The following SLC26A9 variants were observed in gnomAD, a reference collection of about 807,000 sequenced individuals.
The protein encoded by SLC26A9 is solute carrier family 26 member 9.
Under a neutral mutation model 87.1 loss-of-function variants are expected in SLC26A9, and 46 were observed. The observed-to-expected ratio is 0.53, with a 90% CI of 0.42 to 0.67. The LOEUF (loss-of-function observed/expected upper bound fraction) is 0.67. SLC26A9 is among the 30% of genes least tolerant of loss of function. The probability of loss-of-function intolerance (pLI) is 0.00; values close to 1 mark genes in which losing one functional copy is unlikely to be tolerated. For missense variants in SLC26A9, 927 were observed against 1,018.3 expected (o/e 0.91, Z 1.22); for synonymous variants, 437 against 409.1 (o/e 1.07, Z -0.82).
At chr1:205,930,815 C>A (rs944561231) in intron 5 of SLC26A9, among the ~76,000 whole-genome samples, 1 of 152,188 alleles carries the variant, frequency 6.6e-6, no homozygotes, top group Non-Finnish European at 1.5e-5. Flanking sequence ...TGGTTAAGTT[C>A]TCATCCTTTA....
In SLC26A9 at chr1:205,932,826, C is replaced by A; in HGVS notation, c.266-14G>T. 1 of 1,590,454 alleles carries A rather than the reference C, an allele frequency of 6.3e-7. No homozygotes were observed. Among genetic ancestry groups the A allele is most frequent in the Non-Finnish European group, 8.6e-7 (1 of 1,167,354 alleles). On this transcript the variant is annotated splice_polypyrimidine_tract_variant and intron_variant, in intron 3 of 20. Transcript: ENST00000367135. ...CAAATGCCATGCCTGCAGAGGACAACGAGACTGAAGCTCAGCAGCATGACT... is the reference window on the plus strand; with the variant it reads ...CAAATGCCATGCCTGCAGAGGACAAAGAGACTGAAGCTCAGCAGCATGACT...
At chr1:205,937,540 G>C (rs1357773639) in intron 1 of SLC26A9, among the ~76,000 whole-genome samples, 4 of 152,216 alleles carry the variant, frequency 2.6e-5, no homozygotes. Context: ...CAGATGCTAT[G>C]AGGATTCAGT....
intron 1 of SLC26A9, among the ~76,000 whole-genome samples, chr1:205,936,224 C>T (rs928428757): frequency 2.0e-5 from 3 of 152,206 alleles, no homozygotes; most frequent in Non-Finnish European, 4.4e-5. Context: ...ACAAGCCATA[C>T]TCCCTTCCCA....
intron 1 of SLC26A9, among the ~76,000 whole-genome samples, chr1:205,942,254 G>T (rs959272948): frequency 6.6e-6 from 1 of 152,248 alleles, no homozygotes; most frequent in African/African-American, 2.4e-5. Flanking sequence ...GCCTGGGAAG[G>T]CCTTCCTGGC....
At chr1:205,937,562 T>C (rs2102603214) in intron 1 of SLC26A9, among the ~76,000 whole-genome samples, 1 of 152,328 alleles carries the variant, frequency 6.6e-6, no homozygotes, top group African/African-American at 2.4e-5. Flanking sequence ...AGATCATGTG[T>C]ATGAAGAGGC....
intron 20 of SLC26A9, among the ~76,000 whole-genome samples, chr1:205,915,619 A>G (rs12028702): frequency 0.063 from 9,590 of 151,974 alleles, 633 homozygotes; most frequent in East Asian, 0.38. Context: ...TGGCAGGAGC[A>G]GGTGCTGAAA....
Position 205,914,672 on chromosome 1 carries a change from T to G in SLC26A9, c.*685A>C. The G allele has an allele frequency of 1.9e-6, 1 of 522,460 alleles. No individual in the cohort carries two copies. The highest frequency in any genetic ancestry group is 3.3e-6 in the Non-Finnish European group (1 of 301,800). 32.4% of individuals were successfully genotyped at this position (522,460 alleles called of 1,614,324 possible). A position where few individuals can be genotyped will look rare whatever the true frequency, so the allele number is the denominator to read the frequency against. The stretch of plus-strand genomic sequence containing the variant: ...GCTGTCCCCGGGGAGGTAGCTCTGG[T>G]GGTCTCGACGGTCCTGGCCACTGTC... On this transcript the variant is annotated 3_prime_UTR_variant, in exon 21 of 21. Transcript: ENST00000367135.
chr1:205,929,403 A>G (rs775800887), intron 6 of SLC26A9, 47 bp from the exon 7 acceptor site: 1 of 1,598,368 alleles, frequency 6.3e-7, no homozygotes. Context: ...CCTTCTTCCC[A>G]TAATACCCCA....
Position 205,923,128 on chromosome 1 carries a change from C to T in SLC26A9, c.1727G>A (p.Arg576Lys), listed in dbSNP as rs566271291. ...QKYLKKQEKRRMRPTQQRRSL... is the reference protein window; with the variant it reads ...QKYLKKQEKRKMRPTQQRRSL... ...CCTCCTCTGTTGTGTGGGCCTCATTCTCCGCTTCTCCTGCTTCTTGAGGTA... is the reference window on the plus strand; with the variant it reads ...CCTCCTCTGTTGTGTGGGCCTCATTTTCCGCTTCTCCTGCTTCTTGAGGTA... Residue 576 changes from arginine (R) to lysine (K), a missense_variant, in exon 16 of 21, where the codon AGA becomes AAA. Arg to Lys is a conservative substitution (Grantham distance 26). Coordinates refer to ENST00000367135, the MANE Select transcript of SLC26A9 (RefSeq NM_052934.4). 6.2e-7 allele frequency: 1 copy of T among 1,614,144 alleles called. No individual in the cohort carries two copies. Among genetic ancestry groups the T allele is most frequent in the East Asian group, 2.2e-5 (1 of 44,880 alleles).
chr1:205,930,580 A>G (rs7555185), intron 5 of SLC26A9, among the ~76,000 whole-genome samples: 25,306 of 152,092 alleles, frequency 0.17, 2,825 homozygotes, highest in East Asian at 0.64. Flanking sequence ...TGTGTAGCCC[A>G]AACGATCCTT....
chr1:205,926,879 C>A (rs1393100476), intron 11 of SLC26A9, among the ~76,000 whole-genome samples: 1 of 152,180 alleles, frequency 6.6e-6, no homozygotes. Flanking sequence ...TGCCTAGAGC[C>A]CTCCTAGCTG....
Position 205,921,844 on chromosome 1 carries a change from C to G in SLC26A9, c.1777G>C (p.Val593Leu), listed in dbSNP as rs1446414259. The change falls in exon 17 of 21, where the codon GTC becomes CTC. Residue 593 changes from valine (V) to leucine (L), a missense_variant. By Grantham distance (32) the Val-to-Leu change is conservative. Transcript: ENST00000367135. ...RRSLFMKTKT[V>L]SLQELQQDFE... ...TCCTGCTGCAGCTCCTGCAGGGAGACAGTCTGGAAGGGTGGGGACAGTGGG... is the reference window on the plus strand; with the variant it reads ...TCCTGCTGCAGCTCCTGCAGGGAGAGAGTCTGGAAGGGTGGGGACAGTGGG... The G allele has an allele frequency of 1.9e-6, 3 of 1,604,588 alleles. No homozygotes were observed. The highest frequency in any genetic ancestry group is 2.5e-6 in the Non-Finnish European group (3 of 1,176,998).
chr1:205,929,017 C>T (rs776494810), intron 7 of SLC26A9, 108 bp from the exon 8 acceptor site: 36 of 1,474,778 alleles, frequency 2.4e-5, no homozygotes, highest in Non-Finnish European at 3.4e-5. Context: ...CACTCCCCTG[C>T]CTCCTTAGGG....
intron 9 of SLC26A9, 136 bp downstream of exon 9, chr1:205,927,766 G>T: frequency 2.0e-6 from 3 of 1,468,016 alleles, no homozygotes; most frequent in Non-Finnish European, 2.8e-6. Flanking sequence ...GCCTCTTAGG[G>T]TCAGAGGACC....
At chr1:205,922,340 C>T (rs76381122) in intron 16 of SLC26A9, among the ~76,000 whole-genome samples, 7 of 152,302 alleles carry the variant, frequency 4.6e-5, no homozygotes, top group East Asian at 3.9e-4. Context: ...CGTTTCGCCA[C>T]GTTGGGCAGG....
Position 205,923,544 on chromosome 1 carries a change from C to T in SLC26A9, c.1566G>A (p.Arg522=). The T allele has an allele frequency of 6.2e-7, 1 of 1,614,144 alleles. No homozygotes were observed. Among genetic ancestry groups the T allele is most frequent in the Non-Finnish European group, 8.5e-7 (1 of 1,180,034 alleles). Residue 522 remains arginine (R), a splice_region_variant and synonymous_variant, in exon 14 of 21, where the codon AGG becomes AGA. Transcript: ENST00000367135. ...DIYVNPKTYN[R]AQDIQGIKII... is the part of the protein sequence containing the mutation. Reference sequence around the variant, plus strand: ...GAGGTCATAAGCTTGAATTACCTACCCTATTATAGGTCTTGGGATTCACAT... The same window carrying T: ...GAGGTCATAAGCTTGAATTACCTACTCTATTATAGGTCTTGGGATTCACAT...
Position 205,923,213 on chromosome 1 carries a change from A to G in SLC26A9, c.1660-18T>C, listed in dbSNP as rs1464853145. 9 of 1,613,522 alleles carry G rather than the reference A, an allele frequency of 5.6e-6. No individual in the cohort carries two copies. The highest frequency in any genetic ancestry group is 2.7e-5 in the African/African-American group (2 of 74,880). The stretch of plus-strand genomic sequence containing the variant: ...ATGCCTGTCTGCAGGGAGAGAGCCA[A>G]CAGCAATCTTGACCTCCACCCTCTA... On this transcript the variant is annotated intron_variant, in intron 15 of 20. Transcript: ENST00000367135.
chr1:205,917,955 C>T (rs988364804), intron 19 of SLC26A9, among the ~76,000 whole-genome samples: 3 of 152,306 alleles, frequency 2.0e-5, no homozygotes, highest in East Asian at 1.9e-4. Flanking sequence ...CAGGAAAGCC[C>T]GTTGTTTCCC....
chr1:205,926,986 C>T (rs1659097840), intron 11 of SLC26A9, among the ~76,000 whole-genome samples: 1 of 152,358 alleles, frequency 6.6e-6, no homozygotes, highest in South Asian at 2.1e-4. Flanking sequence ...CAGCCCTGCG[C>T]TGTAAGCTGC....
Sources: gnomAD v4.1 joint callset for allele counts (sites outside exome capture counted in the v4.1 genomes callset) on GRCh38, gnomAD v4.1.1 for gene constraint, MANE v1.5 for transcripts, NCBI Gene and HGNC (gene_info 2026-07-23, HGNC 2026-07-21) for gene names.